Variants in PHEX observed in about 807,000 individuals in gnomAD.
PHEX encodes phosphate regulating endopeptidase X-linked.
Under a neutral mutation model 68.0 loss-of-function variants are expected in PHEX, and 16 were observed. The observed-to-expected ratio is 0.24, with a 90% CI of 0.16 to 0.36. PHEX has a LOEUF of 0.36. Ranked by LOEUF, PHEX falls within the 10% of genes least tolerant of loss-of-function variation. The pLI is 1.00. For synonymous variants in PHEX, 208 were observed against 205.1 expected, an observed-to-expected ratio of 1.01 and a Z score of -0.12; for missense variants, 480 against 575.5, an observed-to-expected ratio of 0.83 and a Z score of 1.70.
chrX:22,065,817 T>C (rs766414301), intron 3 of PHEX, among the ~76,000 whole-genome samples: 121 of 112,428 alleles, frequency 1.1e-3, no homozygotes, highest in African/African-American at 3.7e-3. Context: ...TCAGCAGTCA[T>C]CATTGTTTAT....
intron 11 of PHEX, among the ~76,000 whole-genome samples, chrX:22,124,066 C>T (rs1931611204): frequency 9.1e-6 from 1 of 110,361 alleles, no homozygotes; most frequent in Admixed American, 9.7e-5. Flanking sequence ...CTCCTGACCT[C>T]GTGATCTGCC....
intron 9 of PHEX, among the ~76,000 whole-genome samples, chrX:22,106,596 C>T (rs1930700037): frequency 9.1e-6 from 1 of 109,698 alleles, no homozygotes; most frequent in Non-Finnish European, 1.9e-5. Context: ...ATCATGAAAC[C>T]CTGTCTCTAC....
At position 22,190,511 on chromosome X, in the gene PHEX, G is replaced by A. The variant is rs777760589; in HGVS notation, c.1645+9G>A. On this transcript the variant is annotated intron_variant, in intron 15 of 21. Coordinates refer to ENST00000379374, the MANE Select transcript of PHEX (RefSeq NM_000444.6). ...ATCCACCAACCAGATCCGTGAGTAC[G>A]GGTTCCTTGTCTCCTTGGTAACCTG... 6 of 1,143,521 alleles carry A rather than the reference G, an allele frequency of 5.2e-6. No homozygotes were observed. Among genetic ancestry groups the A allele is most frequent in the African/African-American group, 1.8e-5 (1 of 55,908 alleles). 94.2% of individuals were successfully genotyped at this position (1,143,521 alleles called of 1,213,427 possible). A position where few individuals can be genotyped will look rare whatever the true frequency, so the allele number is the denominator to read the frequency against.
intron 20 of PHEX, among the ~76,000 whole-genome samples, 193 bp from the exon 21 acceptor site, chrX:22,245,140 T>A (rs958534632): frequency 1.8e-5 from 2 of 112,408 alleles, no homozygotes; most frequent in Non-Finnish European, 3.8e-5. Context: ...ATTATTCACA[T>A]TGATAAAACC....
At chrX:22,144,254 A>G (rs1242063089) in intron 12 of PHEX, among the ~76,000 whole-genome samples, 5 of 111,425 alleles carry the variant, frequency 4.5e-5, no homozygotes, top group African/African-American at 1.6e-4. Flanking sequence ...CTCCCTCACT[A>G]AATAACATGC....
At chrX:22,073,592 ACTT>A (rs1026937564) in intron 3 of PHEX, among the ~76,000 whole-genome samples, 1 of 107,996 alleles carries the variant, frequency 9.3e-6, no homozygotes, top group Non-Finnish European at 1.9e-5. Flanking sequence ...GATCAGAAGA[ACTT>A]CTCAAACCAC....
chrX:22,186,259 G>GAAA (rs1430750362), intron 14 of PHEX, among the ~76,000 whole-genome samples: 5 of 111,758 alleles, frequency 4.5e-5, no homozygotes, highest in Non-Finnish European at 7.5e-5. Context: ...GAAAGAAGAA[G>GAAA]GGAGGGAGGG....
chrX:22,119,582 G>GTCTTTT (rs998244373), intron 11 of PHEX, among the ~76,000 whole-genome samples: 7 of 107,389 alleles, frequency 6.5e-5, no homozygotes, highest in Non-Finnish European at 1.2e-4. Flanking sequence ...TAATACTCTT[G>GTCTTTT]TCTTTTTCTT....
chrX:22,041,265 C>CTCTCTCTCTCTA (rs1468778300), intron 2 of PHEX, among the ~76,000 whole-genome samples: 39 of 72,813 alleles, frequency 5.4e-4, no homozygotes, highest in African/African-American at 1.1e-3. Context: ...CTCTCTCTCT[C>CTCTCTCTCTCTA]TATATATATA....
At chrX:22,153,360 G>A (rs1417198600) in intron 12 of PHEX, among the ~76,000 whole-genome samples, 1 of 111,846 alleles carries the variant, frequency 8.9e-6, no homozygotes, top group Non-Finnish European at 1.9e-5. Flanking sequence ...TGGAAAACAT[G>A]GTAGACATAA....
chrX:22,205,021 A>C (rs1049152020), intron 15 of PHEX, among the ~76,000 whole-genome samples: 1 of 112,366 alleles, frequency 8.9e-6, no homozygotes, highest in Non-Finnish European at 1.9e-5. Context: ...CTAATAATGC[A>C]ACAGAATGTA....
Position 22,168,333 on chromosome X carries a change from G to A in PHEX, c.1426G>A (p.Val476Ile), listed in dbSNP as rs766990714. The change falls in exon 13 of 22, where the codon GTT becomes ATT. Residue 476 changes from valine to isoleucine, a missense_variant. Transcript: ENST00000379374. ...GTAGGCGAGAGCTGTTTTGGCAAAA[G>A]TTGGCTATCCAGAGTTTATAATGAA... ...KEKARAVLAK[V>I]GYPEFIMNDT... The A allele has an allele frequency of 4.2e-6, 5 of 1,200,232 alleles. No homozygotes were observed. Among genetic ancestry groups the A allele is most frequent in the Non-Finnish European group, 5.6e-6 (5 of 886,653 alleles).
In PHEX at chrX:22,123,839, T is replaced by C. The variant is rs756743214; in HGVS notation, c.1302+9253T>C. Among the ~76,000 whole-genome samples the C allele has an allele frequency of 7.4e-5, 8 of 107,585 alleles. 1 individual carries two copies. The highest frequency in any genetic ancestry group is 5.7e-4 in the East Asian group (2 of 3,490). The allele number at this position is 107,585 out of a possible 115,157, so 93.4% of individuals were successfully genotyped here. A position where few individuals can be genotyped will look rare whatever the true frequency, so the allele number is the denominator to read the frequency against. On this transcript the variant is annotated intron_variant, in intron 11 of 21. Coordinates refer to ENST00000379374, the MANE Select transcript of PHEX (RefSeq NM_000444.6). ...CCAAATATAATTTCTTTTTCTTTTT[T>C]TTTTTTTTTTGAGACCAAGTCTCGC...
At chrX:22,144,248 C>G (rs768342000) in intron 12 of PHEX, among the ~76,000 whole-genome samples, 1 of 111,347 alleles carries the variant, frequency 9.0e-6, no homozygotes, top group South Asian at 3.8e-4. Flanking sequence ...AACTGCCTCC[C>G]TCACTAAATA....
intron 11 of PHEX, among the ~76,000 whole-genome samples, chrX:22,120,583 C>T (rs961752824): frequency 7.2e-5 from 8 of 111,738 alleles, no homozygotes; most frequent in Admixed American, 2.9e-4. Context: ...GTTGACATCA[C>T]ATTTTTGTAT....
intron 18 of PHEX, among the ~76,000 whole-genome samples, 181 bp downstream of exon 18, chrX:22,221,924 C>A (rs951311208): frequency 8.9e-6 from 1 of 111,964 alleles, no homozygotes; most frequent in African/African-American, 3.2e-5. Flanking sequence ...GGGGTTGGGG[C>A]CTGGTCATCC....
At chrX:22,069,509 G>GT (rs1928794519) in intron 3 of PHEX, among the ~76,000 whole-genome samples, 1 of 111,786 alleles carries the variant, frequency 8.9e-6, no homozygotes, top group Non-Finnish European at 1.9e-5. Flanking sequence ...GAGGTCTTTT[G>GT]TGTTAACAGG....
chrX:22,150,215 T>C (rs1172749037), intron 12 of PHEX, among the ~76,000 whole-genome samples: 11 of 112,286 alleles, frequency 9.8e-5, no homozygotes, highest in Non-Finnish European at 1.9e-4. Context: ...ACTGGAGCAA[T>C]GCTTCTGCAA....
intron 3 of PHEX, among the ~76,000 whole-genome samples, chrX:22,049,312 C>T (rs1927703246): frequency 9.2e-6 from 1 of 109,033 alleles, no homozygotes. Context: ...TGGGGTTTCA[C>T]CATGTTGGTC....
Sources: allele counts gnomAD v4.1 joint callset (sites outside exome capture counted in the v4.1 genomes callset), GRCh38; gene constraint gnomAD v4.1.1; transcripts MANE v1.5; gene names NCBI Gene and HGNC (gene_info 2026-07-23, HGNC 2026-07-21).